ZC3H4: variants seen among roughly 807,000 people sequenced by gnomAD.
The protein encoded by ZC3H4 is zinc finger CCCH domain-containing protein 4.
In ZC3H4, 13 loss-of-function variants were observed where a neutral mutation model predicts 108.3. That is an observed-to-expected ratio of 0.12 (90% confidence interval 0.08 to 0.19). The LOEUF (loss-of-function observed/expected upper bound fraction) is 0.19, where lower values mean the gene tolerates loss of function less well. Among genes scored for constraint, ZC3H4 ranks in the 10% least tolerant of loss-of-function variants. The pLI, the probability that ZC3H4 is intolerant of heterozygous loss-of-function variation, is 1.00. For synonymous variants in ZC3H4, 917 were observed against 749.6 expected, an observed-to-expected ratio of 1.22 and a Z score of -3.65; for missense variants, 1,734 against 1,838.8, an observed-to-expected ratio of 0.94 and a Z score of 1.04.
At chr19:47,086,604 C>T (rs2057632189) in intron 5 of ZC3H4, 66 bp from the exon 6 acceptor site, 2 of 1,499,962 alleles carry the variant, frequency 1.3e-6, no homozygotes, top group African/African-American at 1.4e-5. Context: ...AAGAAGACAA[C>T]CCACATTTTG....
At chr19:47,075,180 G>A (rs1028263473) in intron 11 of ZC3H4, among the ~76,000 whole-genome samples, 10 of 152,122 alleles carry the variant, frequency 6.6e-5, no homozygotes, top group South Asian at 2.1e-4. Flanking sequence ...AAAACGACGC[G>A]GTGGAACCCC....
At chr19:47,082,059 A>G in intron 10 of ZC3H4, 125 bp downstream of exon 10, 1 of 818,392 alleles carries the variant, frequency 1.2e-6, no homozygotes, top group Admixed American at 1.9e-5. Context: ...TGAGATGGAG[A>G]CTCACAGAAA....
chr19:47,107,903 A>T (rs1241977386), intron 2 of ZC3H4, among the ~76,000 whole-genome samples: 1 of 152,190 alleles, frequency 6.6e-6, no homozygotes, highest in Non-Finnish European at 1.5e-5. Context: ...AGGCCAAGAA[A>T]CTGGGAGTCA....
rs8105312 is a variant in ZC3H4 at position 47,082,107 on chromosome 19, T to C, written c.1330+77A>G. ...GAGAGAAAGCACAGAGAAGGAAGAT[T>C]GGCTGTTACTACCACCATCAAGGAG... On this transcript the variant is annotated intron_variant, in intron 10 of 14. Coordinates refer to ENST00000253048, the MANE Select transcript of ZC3H4 (RefSeq NM_015168.2). 9,928 of 1,191,012 alleles carry C rather than the reference T, an allele frequency of 8.3e-3. 286 individuals carry two copies. In the African/African-American group the frequency reaches 0.086, roughly 10 times the overall value. 73.8% of individuals were successfully genotyped at this position (1,191,012 alleles called of 1,614,324 possible). A position where few individuals can be genotyped will look rare whatever the true frequency, so the allele number is the denominator to read the frequency against.
chr19:47,089,204 C>CA (rs888647856), intron 5 of ZC3H4, among the ~76,000 whole-genome samples: 2,782 of 26,480 alleles, frequency 0.11, 214 homozygotes, highest in African/African-American at 0.13. Flanking sequence ...GACTCCGTCT[C>CA]AAAAAAAAAA....
chr19:47,097,969 T>C (rs2057849654), intron 2 of ZC3H4, among the ~76,000 whole-genome samples: 1 of 152,222 alleles, frequency 6.6e-6, no homozygotes, highest in Admixed American at 6.5e-5. Context: ...GACTTGGAAC[T>C]GGCCCCCATG....
intron 2 of ZC3H4, among the ~76,000 whole-genome samples, chr19:47,097,568 A>T (rs898149618): frequency 1.3e-5 from 2 of 152,196 alleles, no homozygotes; most frequent in Admixed American, 6.5e-5. Flanking sequence ...AAGCAAAAAG[A>T]AAGGAAGTCG....
intron 2 of ZC3H4, among the ~76,000 whole-genome samples, chr19:47,103,936 T>G (rs1420569155): frequency 6.6e-6 from 1 of 151,456 alleles, no homozygotes; most frequent in Non-Finnish European, 1.5e-5. Flanking sequence ...AGAGCGAGAC[T>G]CCGTCTTAAA....
intron 2 of ZC3H4, chr19:47,097,093 G>T: frequency 2.8e-6 from 2 of 713,602 alleles, no homozygotes; most frequent in Non-Finnish European, 1.7e-6. Context: ...CATCCAGAAT[G>T]ATTCTAGAAA....
chr19:47,088,335 C>G (rs974273479), intron 5 of ZC3H4, among the ~76,000 whole-genome samples: 1 of 151,712 alleles, frequency 6.6e-6, no homozygotes, highest in South Asian at 2.1e-4. Flanking sequence ...ATCACGAGGT[C>G]GAGAGATCGA....
intron 4 of ZC3H4, among the ~76,000 whole-genome samples, chr19:47,092,655 A>G (rs1201906387): frequency 6.6e-6 from 1 of 151,974 alleles, no homozygotes; most frequent in Non-Finnish European, 1.5e-5. Context: ...TGTCTCTACT[A>G]AAAATACAAA....
intron 2 of ZC3H4, chr19:47,111,039 A>G: frequency 4.0e-6 from 2 of 497,516 alleles, no homozygotes; most frequent in Non-Finnish European, 5.2e-6. Context: ...GCCCTGGCTG[A>G]GACCCCCCGG....
chr19:47,081,717 G>T, intron 10 of ZC3H4, 95 bp from the exon 11 acceptor site: 1 of 1,128,364 alleles, frequency 8.9e-7, no homozygotes, highest in Non-Finnish European at 1.3e-6. Flanking sequence ...TTGTTTTGGA[G>T]ATAAGAAATC....
At chr19:47,078,200 T>G (rs533672468) in intron 11 of ZC3H4, among the ~76,000 whole-genome samples, 9 of 152,308 alleles carry the variant, frequency 5.9e-5, no homozygotes, top group African/African-American at 1.9e-4. Flanking sequence ...TAAAATTATG[T>G]TTGGCGATAA....
At chr19:47,109,551 T>C (rs1343481856) in intron 2 of ZC3H4, among the ~76,000 whole-genome samples, 2 of 152,188 alleles carry the variant, frequency 1.3e-5, no homozygotes, top group African/African-American at 4.8e-5. Context: ...CCCTGGATAA[T>C]GTGTTTTGTT....
rs772443058 is a variant in ZC3H4 at position 47,067,349 on chromosome 19, G to T, written c.2919C>A (p.Phe973Leu). The T allele has an allele frequency of 6.2e-7, 1 of 1,603,880 alleles. No homozygotes were observed. Among genetic ancestry groups the T allele is most frequent in the South Asian group, 1.1e-5 (1 of 89,810 alleles). Residue 973 changes from phenylalanine to leucine, a missense_variant, in exon 15 of 15, where the codon TTC (phenylalanine) becomes TTA (leucine). By Grantham distance (22) the Phe-to-Leu change is conservative (BLOSUM62 0). Coordinates refer to ENST00000253048, the MANE Select transcript of ZC3H4 (RefSeq NM_015168.2). This position sits in a 1 kb window ranked among gnomAD's most constrained non-coding sequence, Gnocchi z 6.4. Reference sequence around the variant, plus strand: ...CGGGATTCCAGAGCACGGTGCGGGCGAAGCTGGGCTTGCTCAGGGTCACGT... The same window carrying T: ...CGGGATTCCAGAGCACGGTGCGGGCTAAGCTGGGCTTGCTCAGGGTCACGT... ...KKDVTLSKPSFARTVLWNPED... is the reference protein window; with the variant it reads ...KKDVTLSKPSLARTVLWNPED...
Position 47,071,986 on chromosome 19 carries a change from TGCGTGCATGTCA to T in ZC3H4, c.1926_1937del (p.His649_Met652del), listed in dbSNP as rs769724126. 1.3e-6 allele frequency: 2 copies of T among 1,579,056 alleles called. No homozygotes were observed. Among genetic ancestry groups the T allele is most frequent in the Non-Finnish European group, 1.7e-6 (2 of 1,151,376 alleles). Reference sequence around the variant, plus strand: ...CCATCGGCATGTCTGCGTGCATGTCTGCGTGCATGTCAGGGTGCATGTCCGGGTGCATGTCGG... The same window carrying T: ...CCATCGGCATGTCTGCGTGCATGTCTGGGTGCATGTCCGGGTGCATGTCGG... On this transcript the variant is annotated inframe_deletion, in exon 13 of 15. Coordinates refer to ENST00000253048, the MANE Select transcript of ZC3H4 (RefSeq NM_015168.2).
rs2122641048 is a variant in ZC3H4 at position 47,066,736 on chromosome 19, C to T, written c.3532G>A (p.Gly1178Ser). 6.2e-7 allele frequency: 1 copy of T among 1,606,156 alleles called. No individual in the cohort carries two copies. The highest frequency in any genetic ancestry group is 1.1e-5 in the South Asian group (1 of 90,244). Residue 1178 changes from glycine (G) to serine (S), a missense_variant, in exon 15 of 15, where the codon GGC becomes AGC. Transcript: ENST00000253048. ...GAQPKGAEGN[G>S]KSSASKAKEP... ...TTAGCCTTGGAGGCCGAGCTCTTGC[C>T]ATTGCCCTCAGCACCCTTGGGCTGG...
Position 47,079,693 on chromosome 19 carries a change from C to T in ZC3H4, c.1440+1820G>A, listed in dbSNP as rs145222059. On this transcript the variant is annotated intron_variant, in intron 11 of 14. Transcript: ENST00000253048. ...TGGGCGGATCACAAGGTCAGTAGTTCGAGACCAACCTGGCCAACATGGTGA... is the reference window on the plus strand; with the variant it reads ...TGGGCGGATCACAAGGTCAGTAGTTTGAGACCAACCTGGCCAACATGGTGA... 2.2e-3 allele frequency among the ~76,000 whole-genome samples: 331 copies of T among 152,242 alleles called. 2 individuals are homozygous for T. Among genetic ancestry groups the T allele is most frequent in the Admixed American group, 8.1e-3 (124 of 15,284 alleles).
Sources: allele counts gnomAD v4.1 joint callset (sites outside exome capture counted in the v4.1 genomes callset), GRCh38; gene constraint gnomAD v4.1.1; non-coding constraint Gnocchi (gnomAD v3.1); transcripts MANE v1.5; gene names NCBI Gene and HGNC (gene_info 2026-07-23, HGNC 2026-07-21).